Variants in SDK1 observed in about 807,000 individuals in gnomAD.
The protein encoded by SDK1 is protein sidekick-1.
Under a neutral mutation model 245.5 loss-of-function variants are expected in SDK1, and 157 were observed. The observed-to-expected ratio is 0.64, with a 90% CI of 0.56 to 0.73. The LOEUF (loss-of-function observed/expected upper bound fraction) is 0.73. Ranked by LOEUF, SDK1 falls within the 30% of genes least tolerant of loss-of-function variation. The pLI is 0.00. For synonymous variants in SDK1, 1,647 were observed against 1,278.5 expected (o/e 1.29, Z -6.15); for missense variants, 3,583 against 3,002.3 (o/e 1.19, Z -4.52).
intron 28 of SDK1, among the ~76,000 whole-genome samples, chr7:4,136,014 C>T (rs1779060631): frequency 6.6e-6 from 1 of 152,170 alleles, no homozygotes; most frequent in Non-Finnish European, 1.5e-5. Context: ...ACAGAGTGTT[C>T]CTAAAGTGCG....
rs191169482 is a variant in SDK1 at position 3,683,522 on chromosome 7, C to T, written c.713+41417C>T. On this transcript the variant is annotated intron_variant, in intron 4 of 44. Coordinates refer to ENST00000404826, the MANE Select transcript of SDK1 (RefSeq NM_152744.4). Reference sequence around the variant, plus strand: ...TCACTTCATGAGGACAAGAAACTCACATATACCTGGTGCATAGTAGGTGTT... The same window carrying T: ...TCACTTCATGAGGACAAGAAACTCATATATACCTGGTGCATAGTAGGTGTT... Among the ~76,000 whole-genome samples the T allele has an allele frequency of 1.6e-3, 250 of 152,304 alleles. 2 individuals carry two copies. The highest frequency in any genetic ancestry group is 4.5e-3 in the African/African-American group (189 of 41,552).
chr7:3,480,410 C>G (rs145496871), intron 1 of SDK1, among the ~76,000 whole-genome samples: 3 of 112,186 alleles, frequency 2.7e-5, no homozygotes, highest in Admixed American at 8.4e-5. Context: ...TGCCTGCCTC[C>G]TGCACATACG....
chr7:3,824,539 A>G (rs1779725102), intron 5 of SDK1, among the ~76,000 whole-genome samples: 1 of 152,122 alleles, frequency 6.6e-6, no homozygotes, highest in African/African-American at 2.4e-5. Context: ...TGTGGTAATA[A>G]TCCGTTCCTT....
At chr7:4,254,890 G>A (rs1326871359) in intron 44 of SDK1, among the ~76,000 whole-genome samples, 5 of 151,274 alleles carry the variant, frequency 3.3e-5, no homozygotes, top group African/African-American at 1.2e-4. Context: ...GATGACTGTG[G>A]TTTTAGCTGG....
chr7:3,936,893 G>A (rs1780181772), intron 5 of SDK1, among the ~76,000 whole-genome samples: 1 of 152,166 alleles, frequency 6.6e-6, no homozygotes, highest in Admixed American at 6.5e-5. Context: ...GCTGTTACAG[G>A]TGGGGACACT....
intron 4 of SDK1, among the ~76,000 whole-genome samples, chr7:3,818,400 A>AGCAAAAGTGATATTTATTGTG (rs1404343713): frequency 5.3e-5 from 8 of 152,244 alleles, no homozygotes; most frequent in African/African-American, 1.9e-4. Context: ...ACCTTCTGAT[A>AGCAAAAGTGATATTTATTGTG]GCAAAAGTGA....
intron 1 of SDK1, among the ~76,000 whole-genome samples, chr7:3,613,175 G>A (rs1478052105): frequency 6.6e-6 from 1 of 152,126 alleles, no homozygotes; most frequent in East Asian, 1.9e-4. Context: ...GAACAGCAAT[G>A]AAAATCCATC....
chr7:3,595,240 T>C (rs1488362659), intron 1 of SDK1, among the ~76,000 whole-genome samples: 2 of 152,100 alleles, frequency 1.3e-5, no homozygotes, highest in African/African-American at 2.4e-5. Flanking sequence ...CTTGTAATTA[T>C]ATATATATTC....
intron 1 of SDK1, among the ~76,000 whole-genome samples, chr7:3,403,791 C>T (rs1053380761): frequency 3.1e-5 from 4 of 128,372 alleles, no homozygotes; most frequent in African/African-American, 1.1e-4. Context: ...TACTCTGTTT[C>T]CAAGCTGCAT....
intron 1 of SDK1, among the ~76,000 whole-genome samples, chr7:3,409,095 G>C (rs1779128803): frequency 6.6e-6 from 1 of 152,088 alleles, no homozygotes; most frequent in Non-Finnish European, 1.5e-5. Context: ...CTTGAGATAT[G>C]AGTTGGCTTT....
chr7:3,349,519 G>C (rs1415038049), intron 1 of SDK1, among the ~76,000 whole-genome samples: 5 of 152,196 alleles, frequency 3.3e-5, no homozygotes, highest in African/African-American at 1.2e-4. Context: ...CCAGCCCTGT[G>C]AGGGCAGAGG....
At chr7:4,190,279 C>T (rs114297202) in intron 35 of SDK1, among the ~76,000 whole-genome samples, 1,928 of 152,270 alleles carry the variant, frequency 0.013, 46 homozygotes, top group African/African-American at 0.044. Context: ...GTCATTTCTG[C>T]GGCCACAGTC....
At chr7:3,775,717 C>T in intron 4 of SDK1, among the ~76,000 whole-genome samples, 1 of 151,950 alleles carries the variant, frequency 6.6e-6, no homozygotes, top group East Asian at 1.9e-4. Flanking sequence ...GCTGGGACTA[C>T]AGGCGCCCGC....
intron 4 of SDK1, among the ~76,000 whole-genome samples, chr7:3,765,917 T>C (rs946120920): frequency 6.6e-5 from 10 of 152,200 alleles, no homozygotes; most frequent in African/African-American, 1.9e-4. Flanking sequence ...CCTTAGATCA[T>C]GTTTTAGAGT....
chr7:3,860,605 T>C (rs1348974830), intron 5 of SDK1, among the ~76,000 whole-genome samples: 4 of 152,190 alleles, frequency 2.6e-5, no homozygotes, highest in South Asian at 2.1e-4. Flanking sequence ...GTGATATCTA[T>C]TGAGAAAATA....
At chr7:3,748,673 T>G (rs1383948081) in intron 4 of SDK1, among the ~76,000 whole-genome samples, 1 of 152,234 alleles carries the variant, frequency 6.6e-6, no homozygotes, top group Non-Finnish European at 1.5e-5. Context: ...TGTATTGAAC[T>G]GTAAAAATTC....
chr7:3,854,861 G>C (rs1203692354), intron 5 of SDK1, among the ~76,000 whole-genome samples: 1 of 152,158 alleles, frequency 6.6e-6, no homozygotes, highest in Non-Finnish European at 1.5e-5. Context: ...ATAGAGAACA[G>C]ACAAAGTTGG....
At chr7:3,469,582 T>A (rs1233575169) in intron 1 of SDK1, among the ~76,000 whole-genome samples, 1 of 152,222 alleles carries the variant, frequency 6.6e-6, no homozygotes, top group Non-Finnish European at 1.5e-5. Context: ...TAGGTTGTTT[T>A]TGCAAAGAAA....
At chr7:3,360,623 A>G (rs1225568868) in intron 1 of SDK1, among the ~76,000 whole-genome samples, 1 of 152,206 alleles carries the variant, frequency 6.6e-6, no homozygotes, top group African/African-American at 2.4e-5. Context: ...TCTTAGGAAT[A>G]TATGACAAGC....
Sources: allele counts gnomAD v4.1 joint callset (sites outside exome capture counted in the v4.1 genomes callset), GRCh38; gene constraint gnomAD v4.1.1; transcripts MANE v1.5; gene names NCBI Gene and HGNC (gene_info 2026-07-23, HGNC 2026-07-21).